HIVEP3: variants seen among roughly 807,000 people sequenced by gnomAD.
The protein encoded by HIVEP3 is HIVEP zinc finger 3.
Under a neutral mutation model 152.8 loss-of-function variants are expected in HIVEP3, and 49 were observed. The ratio of observed to expected loss-of-function variants is 0.32; its 90% CI spans 0.26 to 0.41. The LOEUF is 0.41. Ranked by LOEUF, HIVEP3 falls within the 10% of genes least tolerant of loss-of-function variation. The probability of loss-of-function intolerance (pLI) is 1.00; values close to 1 mark genes in which losing one functional copy is unlikely to be tolerated. For missense variants in HIVEP3, 2,790 were observed against 3,103.3 expected, an observed-to-expected ratio of 0.90 and a Z score of 2.40; for synonymous variants, 1,269 against 1,289.0, an observed-to-expected ratio of 0.98 and a Z score of 0.33.
At chr1:41,830,047 T>C (rs554441282) in intron 1 of HIVEP3, among the ~76,000 whole-genome samples, 1 of 152,350 alleles carries the variant, frequency 6.6e-6, no homozygotes, top group Non-Finnish European at 1.5e-5. Flanking sequence ...CATATTCAGG[T>C]GTGATGCACT....
chr1:41,965,746 A>G (rs1001464397), intron 1 of HIVEP3, among the ~76,000 whole-genome samples: 2 of 152,208 alleles, frequency 1.3e-5, no homozygotes, highest in Non-Finnish European at 2.9e-5. Context: ...GACCAAACCT[A>G]CGACTGATTG....
chr1:41,747,483 A>G (rs1304469113), intron 1 of HIVEP3, among the ~76,000 whole-genome samples: 4 of 152,248 alleles, frequency 2.6e-5, no homozygotes, highest in Non-Finnish European at 5.9e-5. Context: ...TGATTATAAA[A>G]ATAGTACATA....
intron 3 of HIVEP3, among the ~76,000 whole-genome samples, chr1:41,593,271 G>A (rs1394651691): frequency 6.6e-6 from 1 of 152,028 alleles, no homozygotes; most frequent in Non-Finnish European, 1.5e-5. Flanking sequence ...TTTAATATAT[G>A]TTCTTCCCGA....
chr1:41,514,424 C>T (rs1416465936), intron 7 of HIVEP3, among the ~76,000 whole-genome samples: 1 of 152,214 alleles, frequency 6.6e-6, no homozygotes, highest in African/African-American at 2.4e-5. Flanking sequence ...CAGAGCCATC[C>T]GTGGTCAGTG....
chr1:41,783,992 C>T (rs12093708), intron 1 of HIVEP3, among the ~76,000 whole-genome samples: 8,509 of 152,250 alleles, frequency 0.056, 790 homozygotes, highest in African/African-American at 0.19. Flanking sequence ...AAAAGTAAAA[C>T]GCTTTAAAAG....
At chr1:41,972,663 T>A (rs1645236422) in intron 1 of HIVEP3, among the ~76,000 whole-genome samples, 1 of 152,210 alleles carries the variant, frequency 6.6e-6, no homozygotes, top group Non-Finnish European at 1.5e-5. Context: ...ATGTAACAGA[T>A]GAGCTTCAAA....
chr1:41,658,013 G>A (rs1645655407), intron 2 of HIVEP3, among the ~76,000 whole-genome samples: 1 of 152,148 alleles, frequency 6.6e-6, no homozygotes, highest in Admixed American at 6.5e-5. Context: ...AGACAATCAG[G>A]GTGGAACTTG....
At chr1:41,941,163 G>A (rs1645043951) in intron 1 of HIVEP3, among the ~76,000 whole-genome samples, 1 of 152,180 alleles carries the variant, frequency 6.6e-6, no homozygotes, top group Admixed American at 6.5e-5. Context: ...CAGCAGGAAG[G>A]CAACCCTTTC....
chr1:41,579,641 A>C, intron 4 of HIVEP3, 96 bp downstream of exon 4: 1 of 1,400,546 alleles, frequency 7.1e-7, no homozygotes, highest in East Asian at 2.3e-5. Context: ...GTCTGGCTCT[A>C]GTTCTGCAAC....
intron 1 of HIVEP3, among the ~76,000 whole-genome samples, chr1:41,888,114 C>A (rs1349536898): frequency 6.7e-6 from 1 of 149,940 alleles, no homozygotes; most frequent in Admixed American, 6.7e-5. Context: ...CAGCTCACTG[C>A]AAGCTCCGCC....
intron 2 of HIVEP3, among the ~76,000 whole-genome samples, chr1:41,681,659 G>T (rs1402246291): frequency 6.6e-6 from 1 of 152,164 alleles, no homozygotes; most frequent in Non-Finnish European, 1.5e-5. Context: ...TGCAGCGCTG[G>T]CCTGGCCCCT....
intron 1 of HIVEP3, among the ~76,000 whole-genome samples, chr1:41,715,358 T>C (rs1398798077): frequency 6.6e-6 from 1 of 152,124 alleles, no homozygotes; most frequent in Admixed American, 6.5e-5. Flanking sequence ...TGACGTGTCC[T>C]GGTGAGACAT....
intron 1 of HIVEP3, among the ~76,000 whole-genome samples, chr1:41,952,781 T>C (rs1645115552): frequency 6.6e-6 from 1 of 152,038 alleles, no homozygotes; most frequent in South Asian, 2.1e-4. Flanking sequence ...AGGGAAAAAA[T>C]CCTATTATTC....
In HIVEP3 at chr1:41,918,758, A is replaced by T. The variant is rs1277665534; in HGVS notation, c.-1146T>A. On this transcript the variant is annotated 5_prime_UTR_variant, in exon 1 of 9. An upstream open reading frame in the 5' UTR gains an earlier in-frame stop. Coordinates refer to ENST00000372583, the MANE Select transcript of HIVEP3 (RefSeq NM_024503.5). This position sits in a 1 kb window ranked among gnomAD's most constrained non-coding sequence, Gnocchi z 4.3. ...CCCTCTGTTATTCCTCTGAATAAAT[A>T]TAAATCACGATCAGAAACCCAAACA... The T allele has an allele frequency of 6.6e-6, 1 of 152,334 alleles. No individual in the cohort carries two copies. The highest frequency in any genetic ancestry group is 1.9e-4 in the East Asian group (1 of 5,178). 9.4% of individuals were successfully genotyped at this position (152,334 alleles called of 1,614,324 possible). A position where few individuals can be genotyped will look rare whatever the true frequency, so the allele number is the denominator to read the frequency against.
In HIVEP3 at chr1:41,510,513, C is replaced by T; in HGVS notation, c.7159G>A (p.Gly2387Arg). ...GGATGTGCCCTGGGCTCCCCACTTC[C>T]TGAGGGCTTGGGGGAGTCCTGCCTG... Reference protein sequence around the residue: ...RTRQDSPKPSGSGEPRAHPHQ... With the variant: ...RTRQDSPKPSRSGEPRAHPHQ... Residue 2387 changes from glycine (G) to arginine (R), a missense_variant, in exon 9 of 9, where the codon GGA becomes AGA. This residue lies in a region of HIVEP3 where 816 missense variants were observed against 806.5 expected (regional missense o/e 1.01). Transcript: ENST00000372583. 6.3e-7 allele frequency: 1 copy of T among 1,595,792 alleles called. No homozygotes were observed. The highest frequency in any genetic ancestry group is 8.5e-7 in the Non-Finnish European group (1 of 1,171,436).
At chr1:41,528,493 C>T (rs1643096476) in intron 5 of HIVEP3, among the ~76,000 whole-genome samples, 1 of 116,828 alleles carries the variant, frequency 8.6e-6, no homozygotes, top group Non-Finnish European at 1.8e-5. Context: ...ACACCCCCAC[C>T]CTCACTCACC....
At position 41,798,684 on chromosome 1, in the gene HIVEP3, T is replaced by C. The variant is rs1324483995; in HGVS notation, c.-800-97689A>G. On this transcript the variant is annotated intron_variant, in intron 1 of 8. Coordinates refer to ENST00000372583, the MANE Select transcript of HIVEP3 (RefSeq NM_024503.5). Reference sequence around the variant, plus strand: ...TACACTCTTAATGTTTTATTTTTATTGTCTTTGCTTTGTTAAATAATCTAT... The same window carrying C: ...TACACTCTTAATGTTTTATTTTTATCGTCTTTGCTTTGTTAAATAATCTAT... Among the ~76,000 whole-genome samples, 3 of 152,380 alleles carry C rather than the reference T, an allele frequency of 2.0e-5. No homozygotes were observed. In the East Asian group the frequency reaches 5.8e-4, roughly 29 times the overall value.
At chr1:41,674,015 C>T (rs1051325407) in intron 2 of HIVEP3, among the ~76,000 whole-genome samples, 8 of 152,246 alleles carry the variant, frequency 5.3e-5, no homozygotes, top group Non-Finnish European at 8.8e-5. Context: ...TTTCTAACCC[C>T]TGCCTCTCTG....
At chr1:41,921,181 A>AT (rs1455738406), upstream of HIVEP3, among the ~76,000 whole-genome samples, 1 of 152,214 alleles carries the variant, frequency 6.6e-6, no homozygotes, top group African/African-American at 2.4e-5. Context: ...GACATTTTGA[A>AT]TAATATGGGA....
Sources: allele counts gnomAD v4.1 joint callset (sites outside exome capture counted in the v4.1 genomes callset), GRCh38; gene constraint gnomAD v4.1.1; regional missense constraint gnomAD v4.1.1; non-coding constraint Gnocchi (gnomAD v3.1); transcripts MANE v1.5; gene names NCBI Gene and HGNC (gene_info 2026-07-23, HGNC 2026-07-21).